Variants in MROH2B observed in about 807,000 individuals in gnomAD.
The protein encoded by MROH2B is maestro heat-like repeat-containing protein family member 2B.
In MROH2B, 177 loss-of-function variants were observed where a neutral mutation model predicts 208.6. The observed-to-expected ratio is 0.85, with a 90% confidence interval of 0.75 to 0.96. MROH2B has a LOEUF of 0.96. Among genes scored for constraint, MROH2B ranks in the 40% least tolerant of loss-of-function variants. The pLI, the probability that MROH2B is intolerant of heterozygous loss-of-function variation, is 0.00. For missense variants in MROH2B, 2,002 were observed against 1,878.7 expected, an observed-to-expected ratio of 1.07 and a Z score of -1.21; for synonymous variants, 728 against 659.0, an observed-to-expected ratio of 1.10 and a Z score of -1.60.
intron 16 of MROH2B, 50 bp from the exon 17 acceptor site, chr5:41,047,814 A>T: frequency 1.3e-6 from 2 of 1,502,152 alleles, no homozygotes; most frequent in Non-Finnish European, 1.8e-6. Flanking sequence ...AACCACCCCA[A>T]GACTCAAATT....
intron 40 of MROH2B, among the ~76,000 whole-genome samples, 170 bp from the exon 41 acceptor site, chr5:40,998,847 T>C (rs896111): frequency 0.37 from 56,610 of 152,034 alleles, 10,813 homozygotes; most frequent in Non-Finnish European, 0.41. Flanking sequence ...GTGACTTCTA[T>C]TGGGTCCCGA....
chr5:41,030,163 A>C (rs962280255), intron 24 of MROH2B, among the ~76,000 whole-genome samples: 9 of 152,136 alleles, frequency 5.9e-5, no homozygotes, highest in Non-Finnish European at 1.0e-4. Context: ...ACTTGAGTAG[A>C]CATTTCTCCA....
Position 41,008,773 on chromosome 5 carries a change from T to C in MROH2B, c.3441A>G (p.Glu1147=), listed in dbSNP as rs1260411773. ...TGACAGAGGTGCCCATTGAGATCACTTCATACATAGCACAGGCCACCTGAG... is the reference window on the plus strand; with the variant it reads ...TGACAGAGGTGCCCATTGAGATCACCTCATACATAGCACAGGCCACCTGAG... ...EAISVACAMY[E]VISMGTSVTG... Residue 1147 remains glutamate, a synonymous_variant, in exon 33 of 42, where the codon GAA becomes GAG. Transcript: ENST00000399564. The C allele has an allele frequency of 6.2e-7, 1 of 1,613,388 alleles. No individual in the cohort carries two copies. Among genetic ancestry groups the C allele is most frequent in the South Asian group, 1.1e-5 (1 of 90,936 alleles).
rs371810778 is a variant in MROH2B, at chr5:41,018,892, C to T, written c.2568G>A (p.Glu856=). 4 of 1,613,874 alleles carry T rather than the reference C, an allele frequency of 2.5e-6. No homozygotes were observed. The highest frequency in any genetic ancestry group is 1.7e-5 in the Admixed American group (1 of 59,944). Residue 856 remains glutamate, a synonymous_variant, in exon 25 of 42, where the codon GAG becomes GAA. Transcript: ENST00000399564. ...KSEGQTDKDK[E]HIQFLYERSM... ...CCTCACTAGTGCATACTTGAATGTG[C>T]TCCTTGTCCTTGTCTGTCTGGCCTT...
intron 24 of MROH2B, among the ~76,000 whole-genome samples, chr5:41,031,169 C>T (rs187600629): frequency 2.6e-5 from 4 of 152,240 alleles, no homozygotes; most frequent in African/African-American, 4.8e-5. Context: ...ACTCACAGTT[C>T]CACATGGCTC....
In MROH2B at chr5:41,000,849, C is replaced by T. The variant is rs1741376527; in HGVS notation, c.4195-16G>A. 1 of 1,602,386 alleles carries T rather than the reference C, an allele frequency of 6.2e-7. No homozygotes were observed. Among genetic ancestry groups the T allele is most frequent in the Non-Finnish European group, 8.5e-7 (1 of 1,174,792 alleles). The stretch of plus-strand genomic sequence containing the variant: ...CATCCTGCTCCTGTGGTGACGAATG[C>T]ATGTCGTGGTGAATATCCTCTCAGA... On this transcript the variant is annotated splice_polypyrimidine_tract_variant and intron_variant, in intron 37 of 41. Coordinates refer to ENST00000399564, the MANE Select transcript of MROH2B (RefSeq NM_173489.5).
At chr5:41,022,236 C>G (rs1215586157) in intron 24 of MROH2B, among the ~76,000 whole-genome samples, 3 of 152,084 alleles carry the variant, frequency 2.0e-5, no homozygotes, top group Non-Finnish European at 2.9e-5. Context: ...GAGTGAGAGC[C>G]AAAGCAGGGC....
chr5:41,041,396 GT>G (rs1443435811), intron 19 of MROH2B, among the ~76,000 whole-genome samples: 1 of 152,170 alleles, frequency 6.6e-6, no homozygotes, highest in Non-Finnish European at 1.5e-5. Context: ...GAAGGCTGAG[GT>G]GGGTGGATCA....
chr5:41,036,031 C>G (rs1742745909), intron 21 of MROH2B, among the ~76,000 whole-genome samples: 1 of 152,034 alleles, frequency 6.6e-6, no homozygotes, highest in Non-Finnish European at 1.5e-5. Flanking sequence ...AAGACACATG[C>G]ACTCATATGT....
In MROH2B at chr5:41,071,149, T is replaced by C. The variant is rs191377815; in HGVS notation, c.-297A>G. Reference sequence around the variant, plus strand: ...TTGTCCCTTTGGTGACCAGAGTATTTGGGAAAGAAGTAATTAGAGACTGGG... The same window carrying C: ...TTGTCCCTTTGGTGACCAGAGTATTCGGGAAAGAAGTAATTAGAGACTGGG... On this transcript the variant is annotated 5_prime_UTR_variant, in exon 1 of 42. Coordinates refer to ENST00000399564, the MANE Select transcript of MROH2B (RefSeq NM_173489.5). 5.8e-5 allele frequency: 20 copies of C among 345,262 alleles called. No homozygotes were observed. The Admixed American group carries it at 7.9e-4, about 14-fold the overall frequency. The allele number at this position is 345,262 out of a possible 1,614,324, so 21.4% of individuals were successfully genotyped here.
At chr5:41,025,146 C>T (rs1458114665) in intron 24 of MROH2B, among the ~76,000 whole-genome samples, 1 of 152,074 alleles carries the variant, frequency 6.6e-6, no homozygotes, top group East Asian at 1.9e-4. Flanking sequence ...AGAGCAAACA[C>T]ATTCAAAAGC....
At chr5:41,067,320 T>C (rs1743842333) in intron 2 of MROH2B, 102 bp from the exon 3 acceptor site, 1 of 650,694 alleles carries the variant, frequency 1.5e-6, no homozygotes, top group Non-Finnish European at 2.7e-6. Context: ...AATATATCTT[T>C]ACTACACAAT....
chr5:41,052,614 C>T (rs770986613), intron 11 of MROH2B, 27 bp from the exon 12 acceptor site: 2 of 1,573,348 alleles, frequency 1.3e-6, no homozygotes, highest in Non-Finnish European at 1.7e-6. Context: ...GCAATAGCAA[C>T]ATTTTACTAT....
Position 41,050,960 on chromosome 5 carries a change from G to A in MROH2B, c.1344+17C>T, listed in dbSNP as rs780573369. On this transcript the variant is annotated intron_variant, in intron 13 of 41. Coordinates refer to ENST00000399564, the MANE Select transcript of MROH2B (RefSeq NM_173489.5). ...GGTGATCAAAGTAACTGTAAGTGGT[G>A]ACAAAAGACCACTTACCTGAGGCAT... 6 of 1,504,062 alleles carry A rather than the reference G, an allele frequency of 4.0e-6. No individual in the cohort carries two copies. The highest frequency in any genetic ancestry group is 2.0e-5 in the Admixed American group (1 of 49,962). 93.2% of individuals were successfully genotyped at this position (1,504,062 alleles called of 1,614,324 possible).
intron 24 of MROH2B, among the ~76,000 whole-genome samples, chr5:41,026,909 A>T (rs1472007914): frequency 1.3e-5 from 2 of 152,232 alleles, no homozygotes; most frequent in Admixed American, 6.5e-5. Context: ...CTGATCTTTG[A>T]CAAACCTGAC....
chr5:41,045,920 G>T, intron 17 of MROH2B, 67 bp from the exon 18 acceptor site: 2 of 1,174,174 alleles, frequency 1.7e-6, no homozygotes, highest in Admixed American at 1.9e-5. Context: ...CATATTTTTG[G>T]TTATTTTATC....
In MROH2B at chr5:40,998,094, T is replaced by C. The variant is rs704040; in HGVS notation, c.4716A>G (p.Gln1572=). The change falls in exon 42 of 42, where the codon CAA becomes CAG. Residue 1572 remains glutamine, a synonymous_variant. Transcript: ENST00000399564. ...TCTCTTTACACCTTCTCAGGAGGGT[T>C]TGCAAAGCAGCCTCAGCTGCTCTCT... The part of the protein sequence containing the change: ...SVQRAAEAAL[Q]TLLRRCKETS... 0.65 allele frequency: 1,038,463 copies of C among 1,605,046 alleles called. 338,323 individuals are homozygous for C. The highest frequency in any genetic ancestry group is 0.69 in the East Asian group (30,931 of 44,732).
intron 2 of MROH2B, 23 bp from the exon 3 acceptor site, chr5:41,067,241 A>C: frequency 7.0e-7 from 1 of 1,422,366 alleles, no homozygotes; most frequent in Non-Finnish European, 9.7e-7. Context: ...AAAGGCATAC[A>C]CAGAAATTTG....
Position 41,004,934 on chromosome 5 carries a change from C to T in MROH2B, c.3865-14G>A. The T allele has an allele frequency of 2.5e-6, 4 of 1,612,744 alleles. No individual in the cohort carries two copies. Among genetic ancestry groups the T allele is most frequent in the African/African-American group, 1.3e-5 (1 of 75,050 alleles). ...TTCCTTCATGAGCTGAAATAATCAA[C>T]ACACTCCTCCCGTTTAGTTAAGGGC... On this transcript the variant is annotated splice_polypyrimidine_tract_variant and intron_variant, in intron 35 of 41. Transcript: ENST00000399564.
Sources: allele counts gnomAD v4.1 joint callset (sites outside exome capture counted in the v4.1 genomes callset), GRCh38; gene constraint gnomAD v4.1.1; transcripts MANE v1.5; gene names NCBI Gene and HGNC (gene_info 2026-07-23, HGNC 2026-07-21).